The following OTOG variants were observed in gnomAD, a reference collection of about 807,000 sequenced individuals.
OTOG encodes the protein otogelin.
Under a neutral mutation model 313.8 loss-of-function variants are expected in OTOG, and 296 were observed. The observed-to-expected ratio is 0.94, with a 90% CI of 0.86 to 1.04. The LOEUF (loss-of-function observed/expected upper bound fraction) is 1.04, where lower values mean the gene tolerates loss of function less well. Ranked by LOEUF, OTOG falls within the 50% of genes least tolerant of loss-of-function variation. The probability of loss-of-function intolerance (pLI) is 0.00; values close to 1 mark genes in which losing one functional copy is unlikely to be tolerated. For synonymous variants in OTOG, 1,533 were observed against 1,554.9 expected (o/e 0.99, Z 0.33); for missense variants, 3,948 against 3,840.1 (o/e 1.03, Z -0.74).
In OTOG at chr11:17,643,457, C is replaced by T. The variant is rs1848013564; in HGVS notation, c.8416-4C>T. The T allele has an allele frequency of 6.9e-7, 1 of 1,448,056 alleles. No homozygotes were observed. Among genetic ancestry groups the T allele is most frequent in the South Asian group, 1.5e-5 (1 of 67,454 alleles). 89.7% of individuals were successfully genotyped at this position (1,448,056 alleles called of 1,614,324 possible). ...ACCTACCTCCCCCGACTTCCTCTCT[C>T]TAGGTTGGGGGTTCCGTGGTACCTT... On this transcript the variant is annotated splice_polypyrimidine_tract_variant and splice_region_variant and intron_variant, in intron 53 of 55. Transcript: ENST00000399397.
chr11:17,556,178 A>C (rs954570946), intron 7 of OTOG, among the ~76,000 whole-genome samples: 1 of 152,148 alleles, frequency 6.6e-6, no homozygotes, highest in African/African-American at 2.4e-5. Context: ...GTTTATCATG[A>C]TAAGCATGCT....
intron 55 of OTOG, 22 bp from the exon 56 acceptor site, chr11:17,645,722 C>T (rs1848062302): frequency 1.3e-6 from 2 of 1,550,824 alleles, no homozygotes; most frequent in Non-Finnish European, 1.7e-6. Flanking sequence ...CACAGACTGC[C>T]TCACTGGCCT....
chr11:17,590,288 C>T (rs993290603), intron 24 of OTOG, among the ~76,000 whole-genome samples: 22 of 152,356 alleles, frequency 1.4e-4, no homozygotes, highest in African/African-American at 4.8e-4. Flanking sequence ...CTTGCTTCTC[C>T]CTCAGCCTTC....
At chr11:17,591,427 T>C in intron 24 of OTOG, 23 bp from the exon 25 acceptor site, 1 of 1,550,396 alleles carries the variant, frequency 6.4e-7, no homozygotes, top group Non-Finnish European at 8.7e-7. Flanking sequence ...CCCTGTGATC[T>C]GGTCTGGGCA....
chr11:17,558,617 C>A lies in OTOG; in HGVS notation c.1076C>A (p.Thr359Lys). 1 of 1,550,340 alleles carries A rather than the reference C, an allele frequency of 6.5e-7. No individual in the cohort carries two copies. Among genetic ancestry groups the A allele is most frequent in the Non-Finnish European group, 8.7e-7 (1 of 1,147,008 alleles). Reference sequence around the variant, plus strand: ...GCCTACGTCAGCCCTCTGCCCTTCACAGCCAGTTGTACCAGTGATCTCTGC... The same window carrying A: ...GCCTACGTCAGCCCTCTGCCCTTCAAAGCCAGTTGTACCAGTGATCTCTGC... Reference protein sequence around the residue: ...CHAYVSPLPFTASCTSDLCQS... With the variant: ...CHAYVSPLPFKASCTSDLCQS... The change falls in exon 10 of 56, where the codon ACA (threonine) becomes AAA (lysine). Residue 359 changes from threonine (T) to lysine (K), a missense_variant. By Grantham distance (78) the Thr-to-Lys change is moderately conservative. Transcript: ENST00000399397.
chr11:17,596,449 G>A (rs1853111241), intron 29 of OTOG, among the ~76,000 whole-genome samples: 1 of 152,208 alleles, frequency 6.6e-6, no homozygotes, highest in African/African-American at 2.4e-5. Flanking sequence ...CCCTCATGCT[G>A]AGGCACCACC....
intron 39 of OTOG, among the ~76,000 whole-genome samples, chr11:17,620,450 C>A (rs971454140): frequency 6.6e-6 from 1 of 152,060 alleles, no homozygotes; most frequent in African/African-American, 2.4e-5. Context: ...GAATAATATT[C>A]CATTGTATGT....
chr11:17,574,897 A>G lies in OTOG; in HGVS notation c.2471A>G (p.Asp824Gly). ...PPDTYLDTQA[D>G]LCVPRNQCSC... is the part of the protein sequence containing the mutation. ...GACACCTATCTGGACACCCAGGCTG[A>G]CCTCTGTGTCCCCCGGTGAGTGGGT... Residue 824 changes from aspartate to glycine, a missense_variant, in exon 20 of 56, where the codon GAC (aspartate) becomes GGC (glycine). Coordinates refer to ENST00000399397, the MANE Select transcript of OTOG (RefSeq NM_001292063.2). 1 of 1,517,758 alleles carries G rather than the reference A, an allele frequency of 6.6e-7. No individual in the cohort carries two copies. The highest frequency in any genetic ancestry group is 1.3e-5 in the South Asian group (1 of 78,928). 94.0% of individuals were successfully genotyped at this position (1,517,758 alleles called of 1,614,324 possible).
intron 32 of OTOG, 123 bp from the exon 33 acceptor site, chr11:17,605,734 C>G: frequency 9.1e-7 from 1 of 1,104,116 alleles, no homozygotes; most frequent in Non-Finnish European, 1.3e-6. Flanking sequence ...GGGGCAGGGC[C>G]TGCTGGTCTG....
rs189685477 is a variant in OTOG at position 17,620,533 on chromosome 11, A to G, written c.6528+6832A>G. On this transcript the variant is annotated intron_variant, in intron 39 of 55. Transcript: ENST00000399397. Reference sequence around the variant, plus strand: ...TATTTCCATATTTTTGGCTATTTTGAATAGTGCTGTTATGAAGTTCCACTA... The same window carrying G: ...TATTTCCATATTTTTGGCTATTTTGGATAGTGCTGTTATGAAGTTCCACTA... Among the ~76,000 whole-genome samples the G allele has an allele frequency of 1.4e-4, 22 of 152,280 alleles. No homozygotes were observed. The East Asian group carries it at 3.7e-3, about 25-fold the overall frequency.
chr11:17,552,027 A>G lies in OTOG; in HGVS notation c.244A>G (p.Met82Val). 2.6e-6 allele frequency: 4 copies of G among 1,550,500 alleles called. No individual in the cohort carries two copies. The highest frequency in any genetic ancestry group is 3.5e-6 in the Non-Finnish European group (4 of 1,146,918). Residue 82 changes from methionine (M) to valine (V), a missense_variant, in exon 4 of 56, where the codon ATG becomes GTG. Met to Val is a conservative substitution (Grantham distance 21, BLOSUM62 1). Transcript: ENST00000399397. Reference sequence around the variant, plus strand: ...GGCTGAAGCCCCAGACTCCGTGGCCATGTCTTCCTGGGAAAGGCGGCTCCA... The same window carrying G: ...GGCTGAAGCCCCAGACTCCGTGGCCGTGTCTTCCTGGGAAAGGCGGCTCCA... ...QQAEAPDSVA[M>V]SSWERRLHRA...
chr11:17,637,705 C>T (rs1251446899), intron 47 of OTOG, among the ~76,000 whole-genome samples: 1 of 152,168 alleles, frequency 6.6e-6, no homozygotes, highest in African/African-American at 2.4e-5. Context: ...TAAGATCTCT[C>T]CATCTTACAT....
intron 8 of OTOG, 146 bp downstream of exon 8, chr11:17,557,469 C>T: frequency 2.6e-6 from 2 of 760,724 alleles, no homozygotes; most frequent in Admixed American, 5.6e-5. Context: ...GGACCCCTTC[C>T]TAACAAATGT....
rs769882405 is a variant in OTOG, at chr11:17,591,589, G to A, written c.3006+1G>A. 6.4e-6 allele frequency: 10 copies of A among 1,550,406 alleles called. No individual in the cohort carries two copies. The African/African-American group carries it at 1.1e-4, about 17-fold the overall frequency. On this transcript the variant is annotated splice_donor_variant, in intron 25 of 55. Transcript: ENST00000399397. LOFTEE classifies it high-confidence loss of function. ...GGCATGCAAAGTGCACCTGGTCAAG[G>A]TGAGTTCCCGGATGTTTCTGCCCAG...
intron 49 of OTOG, 118 bp from the exon 50 acceptor site, chr11:17,640,627 C>G (rs1332162769): frequency 3.6e-6 from 4 of 1,110,410 alleles, no homozygotes; most frequent in Non-Finnish European, 5.0e-6. Context: ...GGCCTGCCAG[C>G]CCCCCTCCTG....
intron 39 of OTOG, among the ~76,000 whole-genome samples, chr11:17,625,114 T>G (rs1042055199): frequency 1.3e-5 from 2 of 152,220 alleles, no homozygotes; most frequent in Non-Finnish European, 2.9e-5. Flanking sequence ...AGGGATAGTT[T>G]GACTTCCTCT....
intron 12 of OTOG, among the ~76,000 whole-genome samples, chr11:17,560,117 C>T (rs1331014074): frequency 6.6e-6 from 1 of 152,192 alleles, no homozygotes; most frequent in African/African-American, 2.4e-5. Context: ...TATGTATACA[C>T]ATACATTTGT....
At chr11:17,631,378 C>CTCTCTCTCTG (rs375572156) in intron 40 of OTOG, among the ~76,000 whole-genome samples, 18 of 128,868 alleles carry the variant, frequency 1.4e-4, no homozygotes, top group African/African-American at 5.9e-4. Context: ...CTCTCTCTCT[C>CTCTCTCTCTG]TGTGTGTGTG....
intron 33 of OTOG, among the ~76,000 whole-genome samples, chr11:17,607,785 G>A (rs1367858429): frequency 6.6e-6 from 1 of 152,188 alleles, no homozygotes; most frequent in Non-Finnish European, 1.5e-5. Context: ...TAGAGGGGAA[G>A]GGATCCCCCA....
Sources: gnomAD v4.1 joint callset for allele counts (sites outside exome capture counted in the v4.1 genomes callset) on GRCh38, gnomAD v4.1.1 for gene constraint, MANE v1.5 for transcripts, NCBI Gene and HGNC (gene_info 2026-07-23, HGNC 2026-07-21) for gene names.